Variants in MXD4 observed in about 807,000 individuals in gnomAD.
MXD4 encodes MAX dimerization protein 4.
MXD4 carries 16 observed loss-of-function variants against 24.5 expected under a neutral mutation model. The observed-to-expected ratio is 0.65, with a 90% confidence interval of 0.44 to 0.99. The LOEUF (loss-of-function observed/expected upper bound fraction) is 0.99, where lower values mean the gene tolerates loss of function less well. Ranked by LOEUF, MXD4 falls within the 50% of genes least tolerant of loss-of-function variation. MXD4 has a pLI of 0.00. For missense variants in MXD4, 301 were observed against 301.5 expected, an observed-to-expected ratio of 1.00 and a Z score of 0.01; for synonymous variants, 164 against 134.2, an observed-to-expected ratio of 1.22 and a Z score of -1.54.
At position 2,261,926 on chromosome 4, in the gene MXD4, T is replaced by G; in HGVS notation, c.55A>C (p.Arg19=). The G allele has an allele frequency of 6.8e-7, 1 of 1,463,448 alleles. No homozygotes were observed. The highest frequency in any genetic ancestry group is 9.0e-7 in the Non-Finnish European group (1 of 1,106,326). The allele number at this position is 1,463,448 out of a possible 1,614,324, so 90.7% of individuals were successfully genotyped here. ...GGGGTGCGAGCGCTACCTCGATCCC[T>G]GCGCTCCAGGTACTCGGCCGCCTCC... ...LLEAAEYLER[R]DREAEHGYAS... is the part of the protein sequence containing the mutation. The change falls in exon 1 of 6, where the codon AGG becomes CGG. Residue 19 remains arginine (R), a synonymous_variant. Coordinates refer to ENST00000337190, the MANE Select transcript of MXD4 (RefSeq NM_006454.3).
chr4:2,253,032 A>G (rs1735356493), intron 3 of MXD4: 1 of 155,636 alleles, frequency 6.4e-6, no homozygotes, highest in African/African-American at 2.4e-5. Flanking sequence ...TTCCAACCCA[A>G]GTTTCATATC....
intron 2 of MXD4, among the ~76,000 whole-genome samples, chr4:2,258,644 C>A (rs943581638): frequency 6.6e-6 from 1 of 152,220 alleles, no homozygotes. Context: ...ACCACTCTCT[C>A]GGGCTCACAC....
Position 2,252,426 on chromosome 4 carries a change from C to A in MXD4, c.291G>T (p.Arg97=). Residue 97 remains arginine, a synonymous_variant, in exon 4 of 6, where the codon CGG becomes CGT. Transcript: ENST00000337190. ...TRHTTLSLLK[R]AKVHIKKLEE... ...CACTCACCTTGATGTGCACCTTGGC[C>A]CGCTTCAGGAGGCTCAGCGTGGTGT... The A allele has an allele frequency of 6.2e-7, 1 of 1,613,050 alleles. No individual in the cohort carries two copies. Among genetic ancestry groups the A allele is most frequent in the Non-Finnish European group, 8.5e-7 (1 of 1,179,956 alleles).
chr4:2,257,440 C>A (rs1273459350), intron 3 of MXD4, among the ~76,000 whole-genome samples: 1 of 152,210 alleles, frequency 6.6e-6, no homozygotes, highest in Admixed American at 6.5e-5. Flanking sequence ...CTCATCCCCA[C>A]CAGCAGAGCT....
chr4:2,259,040 G>A (rs937189673), intron 2 of MXD4: 9 of 444,504 alleles, frequency 2.0e-5, no homozygotes, highest in African/African-American at 4.1e-5. Context: ...CAGGGCTCCC[G>A]GGCCTCCCAG....
chr4:2,254,431 A>T (rs1735384746), intron 3 of MXD4: 1 of 152,126 alleles, frequency 6.6e-6, no homozygotes, highest in Non-Finnish European at 1.5e-5. Flanking sequence ...CAGGCGAAGC[A>T]CCCGGCAATT....
At chr4:2,252,871 C>T (rs1453536926) in intron 3 of MXD4, 2 of 180,870 alleles carry the variant, frequency 1.1e-5, no homozygotes, top group East Asian at 2.6e-4. Context: ...TGGGGTGAGG[C>T]GAGGGTGCCT....
rs1372852948 is a variant in MXD4, at chr4:2,247,490, C to CGGTGGACA, written c.*3046_*3053dup. ...ACATAAGGACACAGCACGGCCCACA[C>CGGTGGACA]GGTGGACAGGTGGCCGGGGGCCCCT... On this transcript the variant is annotated 3_prime_UTR_variant, in exon 6 of 6. Coordinates refer to ENST00000337190, the MANE Select transcript of MXD4 (RefSeq NM_006454.3). 1 of 152,312 alleles carries CGGTGGACA rather than the reference C, an allele frequency of 6.6e-6. No homozygotes were observed. Among genetic ancestry groups the CGGTGGACA allele is most frequent in the Non-Finnish European group, 1.5e-5 (1 of 68,084 alleles). 9.4% of individuals were successfully genotyped at this position (152,312 alleles called of 1,614,324 possible).
At chr4:2,255,745 G>GCA (rs1735412438) in intron 3 of MXD4, among the ~76,000 whole-genome samples, 1 of 152,222 alleles carries the variant, frequency 6.6e-6, no homozygotes, top group African/African-American at 2.4e-5. Flanking sequence ...TGCAGGACTA[G>GCA]CACGCTGGGC....
chr4:2,257,708 A>G (rs1234287665), intron 3 of MXD4, among the ~76,000 whole-genome samples: 1 of 152,242 alleles, frequency 6.6e-6, no homozygotes, highest in Non-Finnish European at 1.5e-5. Context: ...ACTGTCACAC[A>G]GCACAAGGGG....
rs367639075 is a variant in MXD4, at chr4:2,250,568, C to A, written c.606G>T (p.Arg202=). The A allele has an allele frequency of 6.2e-6, 10 of 1,601,364 alleles. No individual in the cohort carries two copies. Among genetic ancestry groups the A allele is most frequent in the Middle Eastern group, 2.0e-4 (1 of 4,922 alleles). Residue 202 remains arginine (R), a synonymous_variant, in exon 6 of 6, where the codon CGG becomes CGT. Coordinates refer to ENST00000337190, the MANE Select transcript of MXD4 (RefSeq NM_006454.3). The stretch of plus-strand genomic sequence containing the variant: ...CCTACGAGAGGGCGGGGCGGCCCAG[C>A]CGCCGGCAGTGGGGCCCGAAGCCAC... The part of the protein sequence containing the change: ...GDSGFGPHCR[R]LGRPALS
chr4:2,249,873 TGCGTGC>T lies in MXD4; in HGVS notation c.*665_*670del, dbSNP rs1233782141. 1 of 153,190 alleles carries T rather than the reference TGCGTGC, an allele frequency of 6.5e-6. No individual in the cohort carries two copies. Among genetic ancestry groups the T allele is most frequent in the East Asian group, 1.9e-4 (1 of 5,186 alleles). 9.5% of individuals were successfully genotyped at this position (153,190 alleles called of 1,614,324 possible). A position where few individuals can be genotyped will look rare whatever the true frequency, so the allele number is the denominator to read the frequency against. ...ATGTACATGAGTGGGTGTGTCTAGG[TGCGTGC>T]GCGTGTGCGTCTGACAGTCCTACCA... On this transcript the variant is annotated 3_prime_UTR_variant, in exon 6 of 6. Transcript: ENST00000337190.
rs1199409360 is a variant in MXD4 at position 2,248,526 on chromosome 4, A to G, written c.*2018T>C. 1.3e-5 allele frequency: 2 copies of G among 152,616 alleles called. No homozygotes were observed. Among genetic ancestry groups the G allele is most frequent in the Non-Finnish European group, 2.9e-5 (2 of 68,408 alleles). The allele number at this position is 152,616 out of a possible 1,614,324, so 9.5% of individuals were successfully genotyped here. On this transcript the variant is annotated 3_prime_UTR_variant, in exon 6 of 6. Coordinates refer to ENST00000337190, the MANE Select transcript of MXD4 (RefSeq NM_006454.3). ...GCTCGGAGGTGCCACGGTGTTTGAA[A>G]TGAAGCCTGGGGGGACAGACTCAGG...
intron 2 of MXD4, among the ~76,000 whole-genome samples, 167 bp downstream of exon 2, chr4:2,261,558 C>A (rs964721138): frequency 3.4e-5 from 5 of 146,802 alleles, no homozygotes; most frequent in African/African-American, 7.4e-5. Flanking sequence ...GCCGGCCGGG[C>A]GGGGCTGCGG....
At chr4:2,254,053 C>T (rs1484567319) in intron 3 of MXD4, 2 of 152,288 alleles carry the variant, frequency 1.3e-5, no homozygotes, top group Admixed American at 1.3e-4. Context: ...GCAGCCACCA[C>T]TGGGACGAGG....
chr4:2,254,728 C>G (rs181991011), intron 3 of MXD4: 1 of 154,874 alleles, frequency 6.5e-6, no homozygotes, highest in East Asian at 1.9e-4. Flanking sequence ...CGAGGGCCAA[C>G]CTAACCTAAC....
chr4:2,257,065 G>A (rs1735446239), intron 3 of MXD4, among the ~76,000 whole-genome samples: 1 of 152,188 alleles, frequency 6.6e-6, no homozygotes, highest in African/African-American at 2.4e-5. Context: ...CAGTTCCTCA[G>A]AGAACACTGC....
intron 3 of MXD4, among the ~76,000 whole-genome samples, chr4:2,256,060 G>T (rs752830939): frequency 6.6e-6 from 1 of 152,196 alleles, no homozygotes; most frequent in East Asian, 1.9e-4. Flanking sequence ...CCTCCTGGAC[G>T]TGCCTGGGGG....
intron 3 of MXD4, chr4:2,254,207 T>TA (rs920644656): frequency 1.3e-5 from 2 of 151,130 alleles, no homozygotes; most frequent in Non-Finnish European, 3.0e-5. Flanking sequence ...GGAAAAAAAA[T>TA]AAAAAAAAAT....
Sources: gnomAD v4.1 joint callset for allele counts (sites outside exome capture counted in the v4.1 genomes callset) on GRCh38, gnomAD v4.1.1 for gene constraint, MANE v1.5 for transcripts, NCBI Gene and HGNC (gene_info 2026-07-23, HGNC 2026-07-21) for gene names.